Variants in PARD3 observed in about 807,000 individuals in gnomAD.
The protein encoded by PARD3 is partitioning defective 3 homolog.
PARD3 carries 75 observed loss-of-function variants against 155.4 expected under a neutral mutation model. The observed-to-expected ratio is 0.48, with a 90% CI of 0.40 to 0.58. The LOEUF (loss-of-function observed/expected upper bound fraction) is 0.58, where lower values mean the gene tolerates loss of function less well. Among genes scored for constraint, PARD3 ranks in the 20% least tolerant of loss-of-function variants. The pLI, the probability that PARD3 is intolerant of heterozygous loss-of-function variation, is 0.00. For synonymous variants in PARD3, 576 were observed against 610.5 expected (o/e 0.94, Z 0.83); for missense variants, 1,642 against 1,721.7 (o/e 0.95, Z 0.82).
At chr10:34,458,362 A>G (rs952887601) in intron 4 of PARD3, among the ~76,000 whole-genome samples, 2 of 151,986 alleles carry the variant, frequency 1.3e-5, no homozygotes, top group African/African-American at 4.8e-5. Context: ...ATCACCACAC[A>G]TGGCTAATTT....
Position 34,450,411 on chromosome 10 carries a change from C to T in PARD3, c.620G>A (p.Ser207Asn), listed in dbSNP as rs2076993459. ...TCTCTGAAATTGGTTAGACCAGTTA[C>T]TAGTATCCCGCGGGAGGCTTCTGTA... ...ENYRSLPRDT[S>N]NWSNQFQRDN... The change falls in exon 5 of 25, where the codon AGT (serine) becomes AAT (asparagine). Residue 207 changes from serine (S) to asparagine (N), a missense_variant. Coordinates refer to ENST00000374788, the MANE Select transcript of PARD3 (RefSeq NM_001184785.2). 1 of 1,613,744 alleles carries T rather than the reference C, an allele frequency of 6.2e-7. No individual in the cohort carries two copies.
intron 2 of PARD3, among the ~76,000 whole-genome samples, chr10:34,542,250 C>T (rs2083690548): frequency 1.4e-5 from 2 of 138,788 alleles, no homozygotes; most frequent in South Asian, 4.8e-4. Context: ...CACACACACA[C>T]ACGCTTGCAT....
At position 34,658,725 on chromosome 10, in the gene PARD3, G is replaced by A. The variant is rs2093248799; in HGVS notation, c.222+37593C>T. ...CCATGTCCCCCCTCCTGCCTGCCAG[G>A]CTCCAGCTCCCTCTAAAGCTCCAGG... On this transcript the variant is annotated intron_variant, in intron 2 of 24. Transcript: ENST00000374788. Among the ~76,000 whole-genome samples the A allele has an allele frequency of 3.3e-5, 5 of 152,246 alleles. No individual in the cohort carries two copies. In the South Asian group the frequency reaches 1.0e-3, roughly 32 times the overall value.
chr10:34,360,041 A>G (rs755786061), intron 13 of PARD3, 30 bp downstream of exon 13: 8 of 1,546,028 alleles, frequency 5.2e-6, no homozygotes, highest in Non-Finnish European at 6.2e-6. Flanking sequence ...TTTTGTTAAT[A>G]GGCATACGCA....
chr10:34,272,242 C>T (rs1955649938), intron 21 of PARD3, among the ~76,000 whole-genome samples: 1 of 151,962 alleles, frequency 6.6e-6, no homozygotes, highest in South Asian at 2.1e-4. Context: ...GGAACTAGTG[C>T]GTGGAGAAGG....
At chr10:34,183,959 G>C (rs959010508) in intron 22 of PARD3, among the ~76,000 whole-genome samples, 2 of 152,192 alleles carry the variant, frequency 1.3e-5, no homozygotes, top group Non-Finnish European at 2.9e-5. Context: ...TGAGACTATA[G>C]GTGTGCGCCA....
At chr10:34,204,280 G>A (rs1341564859) in intron 22 of PARD3, among the ~76,000 whole-genome samples, 1 of 152,192 alleles carries the variant, frequency 6.6e-6, no homozygotes, top group Non-Finnish European at 1.5e-5. Flanking sequence ...AATGACACAT[G>A]GGGTTTTATT....
At chr10:34,722,069 G>A (rs1162620863) in intron 1 of PARD3, among the ~76,000 whole-genome samples, 2 of 152,128 alleles carry the variant, frequency 1.3e-5, no homozygotes, top group Non-Finnish European at 2.9e-5. Context: ...CCACGTGCCT[G>A]TAGTCCCAGC....
rs191399385 is a variant in PARD3, at chr10:34,497,098, C to G, written c.403+19881G>C. ...GTAATAAAAAATGAAATAATGTGAT[C>G]CAGCAATGCAGAAGACTAGTGAAAA... On this transcript the variant is annotated intron_variant, in intron 3 of 24. Coordinates refer to ENST00000374788, the MANE Select transcript of PARD3 (RefSeq NM_001184785.2). 5.9e-5 allele frequency among the ~76,000 whole-genome samples: 9 copies of G among 152,150 alleles called. No individual in the cohort carries two copies. In the East Asian group the frequency reaches 1.5e-3, roughly 26 times the overall value.
At chr10:34,762,408 C>T (rs11009924) in intron 1 of PARD3, among the ~76,000 whole-genome samples, 43,341 of 150,332 alleles carry the variant, frequency 0.29, 6,606 homozygotes, top group East Asian at 0.53. Flanking sequence ...ATCCTCCCAC[C>T]TCAGCCTTCC....
intron 2 of PARD3, among the ~76,000 whole-genome samples, chr10:34,537,056 G>A (rs2083278824): frequency 6.6e-6 from 1 of 152,180 alleles, no homozygotes; most frequent in African/African-American, 2.4e-5. Flanking sequence ...TGGCTGTAGT[G>A]CAATGGGTGT....
At chr10:34,677,352 T>C (rs549144200) in intron 2 of PARD3, among the ~76,000 whole-genome samples, 1 of 151,772 alleles carries the variant, frequency 6.6e-6, no homozygotes, top group South Asian at 2.1e-4. Flanking sequence ...TAGTAGCACA[T>C]GCCTGTGGTC....
intron 2 of PARD3, among the ~76,000 whole-genome samples, chr10:34,582,038 C>G (rs1564377364): frequency 6.6e-6 from 1 of 152,150 alleles, no homozygotes; most frequent in Non-Finnish European, 1.5e-5. Context: ...AAATTTACGC[C>G]AAGAACCAAA....
At chr10:34,736,807 G>A (rs976379383) in intron 1 of PARD3, among the ~76,000 whole-genome samples, 3 of 152,048 alleles carry the variant, frequency 2.0e-5, no homozygotes, top group African/African-American at 7.2e-5. Flanking sequence ...CTCCCAAGTA[G>A]CTGGGATTAC....
chr10:34,377,008 A>T (rs1055787813), intron 10 of PARD3, among the ~76,000 whole-genome samples: 1 of 152,220 alleles, frequency 6.6e-6, no homozygotes, highest in African/African-American at 2.4e-5. Context: ...TTTCCAAGGC[A>T]GCTTCAAATA....
At chr10:34,321,999 A>G (rs1408514773) in intron 19 of PARD3, among the ~76,000 whole-genome samples, 3 of 152,088 alleles carry the variant, frequency 2.0e-5, no homozygotes, top group South Asian at 2.1e-4. Flanking sequence ...TGTTGATACT[A>G]TAATTTCTGT....
chr10:34,162,704 T>C (rs990948783), intron 22 of PARD3, among the ~76,000 whole-genome samples: 5 of 152,210 alleles, frequency 3.3e-5, no homozygotes, highest in African/African-American at 1.2e-4. Flanking sequence ...GCTTGCTACA[T>C]TCACCTGAAT....
intron 2 of PARD3, among the ~76,000 whole-genome samples, chr10:34,613,690 G>C (rs1382087833): frequency 2.0e-5 from 3 of 152,094 alleles, no homozygotes; most frequent in East Asian, 3.9e-4. Flanking sequence ...ACAGGAAAAA[G>C]GGCAAACAAA....
intron 1 of PARD3, among the ~76,000 whole-genome samples, chr10:34,811,609 C>T (rs1463367042): frequency 6.6e-6 from 1 of 152,238 alleles, no homozygotes; most frequent in African/African-American, 2.4e-5. Flanking sequence ...GACTGTATCA[C>T]AGTGGTGCCA....
Sources: gnomAD v4.1 joint callset for allele counts (sites outside exome capture counted in the v4.1 genomes callset) on GRCh38, gnomAD v4.1.1 for gene constraint, MANE v1.5 for transcripts, NCBI Gene and HGNC (gene_info 2026-07-23, HGNC 2026-07-21) for gene names.